RGS17: variants seen among roughly 807,000 people sequenced by gnomAD.
The protein encoded by RGS17 is regulator of G-protein signaling 17.
A neutral mutation model predicts 25.5 loss-of-function variants in RGS17; 12 were observed. The ratio of observed to expected loss-of-function variants is 0.47; its 90% CI spans 0.30 to 0.76. The LOEUF (loss-of-function observed/expected upper bound fraction) is 0.76, where lower values mean the gene tolerates loss of function less well. Among genes scored for constraint, RGS17 ranks in the 30% least tolerant of loss-of-function variants. The probability of loss-of-function intolerance (pLI) is 0.07; values close to 1 mark genes in which losing one functional copy is unlikely to be tolerated. For missense variants in RGS17, 196 were observed against 242.2 expected (o/e 0.81, Z 1.27); for synonymous variants, 71 against 76.9 (o/e 0.92, Z 0.40).
At chr6:153,060,341 G>C (rs988060387) in intron 1 of RGS17, among the ~76,000 whole-genome samples, 1 of 152,142 alleles carries the variant, frequency 6.6e-6, no homozygotes, top group African/African-American at 2.4e-5. Context: ...ACTGGACTCG[G>C]ACATCCTAAA....
Position 153,091,520 on chromosome 6 carries a change from T to A in RGS17, c.-26+39604A>T, listed in dbSNP as rs184583175. Among the ~76,000 whole-genome samples, 495 of 151,880 alleles carry A rather than the reference T, an allele frequency of 3.3e-3. 2 individuals are homozygous for A. The highest frequency in any genetic ancestry group is 9.6e-3 in the Admixed American group (146 of 15,250). ...CGGAGTCTCACTCTGTCACACAGGC[T>A]GGAGTACACAGGCTCTGTCACACAG... On this transcript the variant is annotated intron_variant, in intron 1 of 4. Coordinates refer to ENST00000206262, the MANE Select transcript of RGS17 (RefSeq NM_012419.5).
At chr6:153,029,122 C>T (rs1460739367) in intron 2 of RGS17, among the ~76,000 whole-genome samples, 1 of 152,230 alleles carries the variant, frequency 6.6e-6, no homozygotes, top group Non-Finnish European at 1.5e-5. Context: ...AATATGGACA[C>T]ACATTTGGAC....
chr6:153,095,132 T>G (rs1397597122), intron 1 of RGS17, among the ~76,000 whole-genome samples: 1 of 152,106 alleles, frequency 6.6e-6, no homozygotes, highest in Non-Finnish European at 1.5e-5. Flanking sequence ...AAATAGAAAT[T>G]TAAGTGGCTC....
chr6:153,065,901 A>G (rs1776700290), intron 1 of RGS17, among the ~76,000 whole-genome samples: 1 of 152,126 alleles, frequency 6.6e-6, no homozygotes, highest in African/African-American at 2.4e-5. Context: ...ACCAAACCTC[A>G]AATTAGTAGA....
rs1179242697 is a variant in RGS17, at chr6:153,131,173, G to A, written c.-75C>T. 6.6e-6 allele frequency: 1 copy of A among 152,040 alleles called. No homozygotes were observed. Among genetic ancestry groups the A allele is most frequent in the South Asian group, 2.1e-4 (1 of 4,844 alleles). 9.4% of individuals were successfully genotyped at this position (152,040 alleles called of 1,614,324 possible). On this transcript the variant is annotated 5_prime_UTR_variant, in exon 1 of 5. Coordinates refer to ENST00000206262, the MANE Select transcript of RGS17 (RefSeq NM_012419.5). The stretch of plus-strand genomic sequence containing the variant: ...CGCGCCGATGGGTCCGGGGGAGCGG[G>A]GCTGGGCGGCTCGGTCCTCTAGCGG...
chr6:153,079,759 AG>A lies in RGS17; in HGVS notation c.-25-35717del, dbSNP rs201195090. ...ATCAATATAAAGGATATTGATCTGTAGGTTTTTTTAATTTAATGTTCATACA... is the reference window on the plus strand; with the variant it reads ...ATCAATATAAAGGATATTGATCTGTAGTTTTTTTAATTTAATGTTCATACA... On this transcript the variant is annotated intron_variant, in intron 1 of 4. Transcript: ENST00000206262. Among the ~76,000 whole-genome samples the A allele has an allele frequency of 8.3e-3, 1,268 of 152,196 alleles. 23 individuals carry two copies. The highest frequency in any genetic ancestry group is 0.029 in the African/African-American group (1,209 of 41,554).
intron 1 of RGS17, among the ~76,000 whole-genome samples, chr6:153,094,132 G>A (rs1777172649): frequency 6.6e-6 from 1 of 151,044 alleles, no homozygotes; most frequent in African/African-American, 2.4e-5. Context: ...CTGGAGTGCA[G>A]TGGCATGATC....
intron 1 of RGS17, among the ~76,000 whole-genome samples, chr6:153,060,801 T>C (rs1320095394): frequency 6.6e-6 from 1 of 152,090 alleles, no homozygotes; most frequent in African/African-American, 2.4e-5. Context: ...TCACAATAAA[T>C]CTATCTTGCA....
intron 2 of RGS17, among the ~76,000 whole-genome samples, chr6:153,034,522 C>T (rs1250654373): frequency 6.6e-6 from 1 of 152,128 alleles, no homozygotes; most frequent in African/African-American, 2.4e-5. Context: ...TAATACCTAT[C>T]AATAAAGGAT....
intron 2 of RGS17, among the ~76,000 whole-genome samples, chr6:153,038,365 T>G (rs923580087): frequency 2.6e-5 from 4 of 152,252 alleles, no homozygotes; most frequent in African/African-American, 9.6e-5. Flanking sequence ...TTTTGATAGA[T>G]GTCTTTTGAT....
chr6:153,043,503 CACATGCAATACT>C (rs1383121829), intron 2 of RGS17, among the ~76,000 whole-genome samples: 4 of 136,242 alleles, frequency 2.9e-5, no homozygotes, highest in Non-Finnish European at 6.5e-5. Context: ...AAAAAAAAAA[CACATGCAATACT>C]ACATGCAATA....
rs1186185019 is a variant in RGS17 at position 153,118,006 on chromosome 6, C to T, written c.-26+13118G>A. Among the ~76,000 whole-genome samples the T allele has an allele frequency of 2.0e-5, 3 of 152,148 alleles. No individual in the cohort carries two copies. The East Asian group carries it at 5.8e-4, about 29-fold the overall frequency. ...ACATTAGGAAGACAGTTCTTAGAGT[C>T]TCTTTGAAGTGGTGACATTTGAATG... On this transcript the variant is annotated intron_variant, in intron 1 of 4. Coordinates refer to ENST00000206262, the MANE Select transcript of RGS17 (RefSeq NM_012419.5).
intron 1 of RGS17, among the ~76,000 whole-genome samples, chr6:153,099,953 G>A (rs960607033): frequency 5.9e-5 from 9 of 152,024 alleles, no homozygotes; most frequent in South Asian, 2.1e-4. Flanking sequence ...TTTTAATAAC[G>A]ATATTTTCAA....
At chr6:153,111,830 A>C (rs947382892) in intron 1 of RGS17, among the ~76,000 whole-genome samples, 8 of 152,166 alleles carry the variant, frequency 5.3e-5, no homozygotes, top group Non-Finnish European at 8.8e-5. Flanking sequence ...TGTAAACTCC[A>C]GCAGCAGGGG....
intron 1 of RGS17, among the ~76,000 whole-genome samples, chr6:153,110,444 A>C (rs113645090): frequency 1.3e-5 from 2 of 151,794 alleles, no homozygotes; most frequent in African/African-American, 4.8e-5. Context: ...ACACACACAC[A>C]CACACACACA....
At chr6:153,040,995 TAA>T (rs71017569) in intron 2 of RGS17, among the ~76,000 whole-genome samples, 129 of 122,090 alleles carry the variant, frequency 1.1e-3, no homozygotes, top group African/African-American at 2.6e-3. Context: ...CTGACTCCAC[TAA>T]AAAAAAAAAA....
intron 3 of RGS17, among the ~76,000 whole-genome samples, chr6:153,025,539 T>C (rs1779290556): frequency 6.6e-6 from 1 of 151,364 alleles, no homozygotes; most frequent in Admixed American, 6.6e-5. Flanking sequence ...GAGAGTCTTA[T>C]GGTTAAAATG....
At chr6:153,059,622 T>C (rs1032848953) in intron 1 of RGS17, among the ~76,000 whole-genome samples, 4 of 152,182 alleles carry the variant, frequency 2.6e-5, no homozygotes, top group Admixed American at 6.5e-5. Flanking sequence ...AGAAACCCTA[T>C]TTATTGCTAG....
At chr6:153,015,722 C>T (rs143454243) in intron 4 of RGS17, among the ~76,000 whole-genome samples, 9 of 151,330 alleles carry the variant, frequency 5.9e-5, no homozygotes, top group African/African-American at 1.7e-4. Flanking sequence ...GGCGCGATCT[C>T]GGCTCACTGC....
Sources: allele counts gnomAD v4.1 joint callset (sites outside exome capture counted in the v4.1 genomes callset), GRCh38; gene constraint gnomAD v4.1.1; transcripts MANE v1.5; gene names NCBI Gene and HGNC (gene_info 2026-07-23, HGNC 2026-07-21).